CASD1: variants seen among roughly 807,000 people sequenced by gnomAD.
The protein encoded by CASD1 is N-acetylneuraminate (7)9-O-acetyltransferase.
A neutral mutation model predicts 100.0 loss-of-function variants in CASD1; 41 were observed. The observed-to-expected ratio is 0.41, with a 90% CI of 0.32 to 0.53. CASD1 has a LOEUF of 0.53. Among genes scored for constraint, CASD1 ranks in the 20% least tolerant of loss-of-function variants. CASD1 has a pLI of 0.25. For missense variants in CASD1, 774 were observed against 948.7 expected (o/e 0.82, Z 2.42); for synonymous variants, 321 against 315.6 (o/e 1.02, Z -0.18).
the CASD1 span, chr7:94,585,605 A>G: frequency 1.2e-6 from 1 of 840,278 alleles, no homozygotes; most frequent in Non-Finnish European, 2.1e-6. Context: ...GCAAGGAGAA[A>G]GTTTCCATCT....
At chr7:94,610,459 T>C in the CASD1 span, among the ~76,000 whole-genome samples, 1 of 152,184 alleles carries the variant, frequency 6.6e-6, no homozygotes, top group Non-Finnish European at 1.5e-5. Context: ...AAGCAATCTC[T>C]GCACCTTATG....
the CASD1 span, among the ~76,000 whole-genome samples, chr7:94,566,731 G>A: frequency 6.6e-6 from 1 of 152,140 alleles, no homozygotes; most frequent in East Asian, 1.9e-4. Context: ...GCCATAGTGG[G>A]CTTTTGGTTA....
the CASD1 span, chr7:94,603,582 C>T: frequency 1.1e-4 from 86 of 796,930 alleles, no homozygotes; most frequent in African/African-American, 1.4e-3. Context: ...AGGTAGGGGC[C>T]TCGGCTCTAA....
At chr7:94,600,655 C>T in the CASD1 span, 29 of 1,612,286 alleles carry the variant, frequency 1.8e-5, no homozygotes, top group Admixed American at 1.5e-4. Flanking sequence ...CACGCCTTCC[C>T]GTCGGCAGCA....
rs1187792763 is a variant in CASD1, at chr7:94,556,237, G to T, written c.*479G>T. On this transcript the variant is annotated 3_prime_UTR_variant, in exon 18 of 18. Transcript: ENST00000297273. ...CTTACTCAAGAATGACGGCAGTATTGTTTTCTTATATGTGCAATGAAGTGG... is the reference window on the plus strand; with the variant it reads ...CTTACTCAAGAATGACGGCAGTATTTTTTTCTTATATGTGCAATGAAGTGG... 1.9e-5 allele frequency: 3 copies of T among 154,258 alleles called. No individual in the cohort carries two copies. Among genetic ancestry groups the T allele is most frequent in the Non-Finnish European group, 4.3e-5 (3 of 69,488 alleles). The allele number at this position is 154,258 out of a possible 1,614,324, so 9.6% of individuals were successfully genotyped here.
At chr7:94,545,830 T>G (rs1315365043) in intron 12 of CASD1, 129 bp downstream of exon 12, 1 of 552,312 alleles carries the variant, frequency 1.8e-6, no homozygotes, top group Non-Finnish European at 3.0e-6. Context: ...AGTTTTAACA[T>G]TTTGAAATTC....
chr7:94,542,988 G>A (rs1380770970), intron 10 of CASD1, among the ~76,000 whole-genome samples: 2 of 152,270 alleles, frequency 1.3e-5, no homozygotes, highest in East Asian at 3.9e-4. Context: ...AAGGAGAAAT[G>A]ACATTCATCT....
the CASD1 span, among the ~76,000 whole-genome samples, chr7:94,563,681 A>T: frequency 7.5e-6 from 1 of 132,774 alleles, no homozygotes; most frequent in South Asian, 2.4e-4. Context: ...CCCCTCCCCC[A>T]CGCCCCCGCT....
chr7:94,550,069 T>C (rs959474360), intron 14 of CASD1, among the ~76,000 whole-genome samples: 1 of 152,076 alleles, frequency 6.6e-6, no homozygotes, highest in Non-Finnish European at 1.5e-5. Flanking sequence ...ATTACTATTA[T>C]AAGAGGCTAC....
At chr7:94,632,859 A>G in the CASD1 span, among the ~76,000 whole-genome samples, 4 of 152,054 alleles carry the variant, frequency 2.6e-5, no homozygotes, top group Non-Finnish European at 5.9e-5. Context: ...AACGTGAGCT[A>G]TATAAATAAA....
chr7:94,600,569 C>T, the CASD1 span: 2 of 1,087,018 alleles, frequency 1.8e-6, no homozygotes, highest in African/African-American at 1.6e-5. Flanking sequence ...CCAAATGAAA[C>T]TTTGCTTTTA....
the CASD1 span, chr7:94,599,615 T>C: frequency 9.5e-7 from 1 of 1,047,930 alleles, no homozygotes; most frequent in Non-Finnish European, 1.5e-6. Flanking sequence ...AAAAAAAGCT[T>C]GACACACATG....
At chr7:94,549,720 T>A in intron 14 of CASD1, 86 bp downstream of exon 14, 1 of 958,136 alleles carries the variant, frequency 1.0e-6, no homozygotes, top group Non-Finnish European at 1.6e-6. Flanking sequence ...TATACTTAGT[T>A]TCAGAATAAA....
chr7:94,515,845 C>T (rs1323176804), intron 1 of CASD1, among the ~76,000 whole-genome samples: 1 of 152,086 alleles, frequency 6.6e-6, no homozygotes, highest in African/African-American at 2.4e-5. Context: ...GTTTTGCTAA[C>T]TTTTAACTTG....
the CASD1 span, among the ~76,000 whole-genome samples, chr7:94,580,479 A>G: frequency 1.3e-5 from 2 of 152,104 alleles, 1 homozygote; most frequent in Admixed American, 1.3e-4. Flanking sequence ...TTTCTTTGAC[A>G]TTTCCCTAAA....
At chr7:94,634,093 G>A in the CASD1 span, among the ~76,000 whole-genome samples, 2 of 152,050 alleles carry the variant, frequency 1.3e-5, no homozygotes, top group African/African-American at 4.8e-5. Context: ...TTTATGTCCG[G>A]GTGACTTTGA....
At chr7:94,537,346 T>C in intron 8 of CASD1, 126 bp from the exon 9 acceptor site, 4 of 801,282 alleles carry the variant, frequency 5.0e-6, no homozygotes, top group Admixed American at 4.9e-5. Context: ...ATTTGGGAAA[T>C]GGTAGCAAAA....
At chr7:94,561,104 A>C (rs1796332347), downstream of CASD1, among the ~76,000 whole-genome samples, 1 of 152,020 alleles carries the variant, frequency 6.6e-6, no homozygotes, top group Admixed American at 6.5e-5. Flanking sequence ...AAAATTAGCC[A>C]GGTGTGGTGG....
At chr7:94,554,008 C>G (rs1188987882) in intron 16 of CASD1, 1 of 152,732 alleles carries the variant, frequency 6.5e-6, no homozygotes, top group Non-Finnish European at 1.5e-5. Flanking sequence ...GCAGAGCAAA[C>G]ATGAAGACAT....
Sources: gnomAD v4.1 joint callset for allele counts (sites outside exome capture counted in the v4.1 genomes callset) on GRCh38, gnomAD v4.1.1 for gene constraint, MANE v1.5 for transcripts, NCBI Gene and HGNC (gene_info 2026-07-23, HGNC 2026-07-21) for gene names.